ROBO2: variants seen among roughly 807,000 people sequenced by gnomAD.
ROBO2 encodes the protein roundabout homolog 2.
A neutral mutation model predicts 160.8 loss-of-function variants in ROBO2; 53 were observed. The ratio of observed to expected loss-of-function variants is 0.33; its 90% CI spans 0.26 to 0.41. ROBO2 has a LOEUF of 0.41. Among genes scored for constraint, ROBO2 ranks in the 10% least tolerant of loss-of-function variants. The pLI is 1.00. For missense variants in ROBO2, 1,577 were observed against 1,722.4 expected, an observed-to-expected ratio of 0.92 and a Z score of 1.49; for synonymous variants, 664 against 611.7, an observed-to-expected ratio of 1.09 and a Z score of -1.26.
chr3:77,156,491 T>G (rs1375496167), intron 2 of ROBO2, among the ~76,000 whole-genome samples: 3 of 152,026 alleles, frequency 2.0e-5, no homozygotes, highest in Non-Finnish European at 4.4e-5. Flanking sequence ...TTAAACCAAT[T>G]GTCATACATA....
At chr3:76,676,537 T>TTGTGTGTGTAAGTG (rs2092413005) in intron 2 of ROBO2, among the ~76,000 whole-genome samples, 1 of 151,948 alleles carries the variant, frequency 6.6e-6, no homozygotes. Context: ...TTGTGGGTAT[T>TTGTGTGTGTAAGTG]TGTGTGTGTA....
At chr3:76,103,058 C>A (rs2069767635) in intron 2 of ROBO2, among the ~76,000 whole-genome samples, 1 of 152,056 alleles carries the variant, frequency 6.6e-6, no homozygotes, top group East Asian at 1.9e-4. Flanking sequence ...CTCCTGACCT[C>A]GTGATCCGCC....
rs548914169 is a variant in ROBO2 at position 76,717,551 on chromosome 3, G to C, written c.110-380463G>C. Among the ~76,000 whole-genome samples the C allele has an allele frequency of 2.6e-5, 4 of 152,116 alleles. No individual in the cohort carries two copies. In the South Asian group the frequency reaches 6.2e-4, roughly 24 times the overall value. ...TATCAACCTAACAGAGTTGTGGAGA[G>C]TGTAAATGTGAGTATTGTGTATTTG... On this transcript the variant is annotated intron_variant, in intron 2 of 26. Coordinates refer to the ROBO2 transcript ENST00000487694.
chr3:77,180,782 CAT>C (rs1165941156), intron 2 of ROBO2, among the ~76,000 whole-genome samples: 1 of 151,840 alleles, frequency 6.6e-6, no homozygotes, highest in Admixed American at 6.6e-5. Context: ...TACATAAAAA[CAT>C]ATGTATATAT....
At chr3:76,944,336 G>C (rs777690875) in intron 2 of ROBO2, among the ~76,000 whole-genome samples, 10 of 151,928 alleles carry the variant, frequency 6.6e-5, no homozygotes, top group Admixed American at 1.3e-4. Flanking sequence ...TCAACAAGGA[G>C]AAATATTTGG....
At chr3:76,625,482 CA>C (rs1216329581) in intron 2 of ROBO2, among the ~76,000 whole-genome samples, 1 of 150,954 alleles carries the variant, frequency 6.6e-6, no homozygotes, top group Non-Finnish European at 1.5e-5. Flanking sequence ...AGCAAATAAT[CA>C]AGGAAAATAT....
At chr3:77,429,658 A>C (rs149809315) in intron 2 of ROBO2, among the ~76,000 whole-genome samples, 17 of 151,432 alleles carry the variant, frequency 1.1e-4, no homozygotes, top group African/African-American at 3.9e-4. Context: ...TGATGTTCAA[A>C]TACTGAAAAG....
chr3:77,522,288 T>C (rs1430719275), intron 5 of ROBO2, among the ~76,000 whole-genome samples: 1 of 151,224 alleles, frequency 6.6e-6, no homozygotes, highest in Non-Finnish European at 1.5e-5. Flanking sequence ...TACCCTTAAT[T>C]CTTTTAACTA....
At chr3:76,923,312 T>C (rs1182885293) in intron 2 of ROBO2, among the ~76,000 whole-genome samples, 1 of 152,238 alleles carries the variant, frequency 6.6e-6, no homozygotes, top group Non-Finnish European at 1.5e-5. Context: ...TCCCTCATAA[T>C]GTTCCGCTGT....
At chr3:76,147,036 G>T (rs140481072) in intron 2 of ROBO2, among the ~76,000 whole-genome samples, 63 of 150,768 alleles carry the variant, frequency 4.2e-4, no homozygotes, top group African/African-American at 1.5e-3. Flanking sequence ...ACACATGGGT[G>T]GTAAAATAAT....
chr3:76,206,620 C>T (rs6781548), intron 2 of ROBO2, among the ~76,000 whole-genome samples: 2 of 116,492 alleles, frequency 1.7e-5, no homozygotes, highest in South Asian at 3.0e-4. Context: ...TGAAAAGTTC[C>T]GAGAGCCCCC....
intron 2 of ROBO2, among the ~76,000 whole-genome samples, chr3:77,259,112 A>T (rs1264578125): frequency 6.6e-6 from 1 of 152,176 alleles, no homozygotes; most frequent in East Asian, 1.9e-4. Flanking sequence ...TCGTATTCAC[A>T]TCCAATTTAA....
chr3:75,950,020 A>ATGTGTG (rs61564519), intron 2 of ROBO2, among the ~76,000 whole-genome samples: 29 of 149,096 alleles, frequency 1.9e-4, no homozygotes, highest in African/African-American at 4.4e-4. Context: ...CTACATATGC[A>ATGTGTG]TGTGTGTGTG....
At chr3:76,222,186 A>T (rs1704008729) in intron 2 of ROBO2, among the ~76,000 whole-genome samples, 1 of 152,134 alleles carries the variant, frequency 6.6e-6, no homozygotes, top group Non-Finnish European at 1.5e-5. Context: ...GTGGCACCAA[A>T]ACACGTTACC....
intron 2 of ROBO2, among the ~76,000 whole-genome samples, chr3:76,385,040 C>T (rs564369962): frequency 1.1e-4 from 16 of 152,212 alleles, no homozygotes; most frequent in African/African-American, 3.9e-4. Flanking sequence ...TAGGGCCTTG[C>T]TTTTAGTGCA....
chr3:76,911,230 T>C (rs552174685), intron 2 of ROBO2, among the ~76,000 whole-genome samples: 119 of 152,336 alleles, frequency 7.8e-4, no homozygotes, highest in African/African-American at 2.7e-3. Flanking sequence ...TAAGTAGTAT[T>C]GTATTTGTTG....
chr3:76,914,469 T>A (rs74576423), intron 2 of ROBO2, among the ~76,000 whole-genome samples: 3 of 152,200 alleles, frequency 2.0e-5, no homozygotes, highest in South Asian at 2.1e-4. Flanking sequence ...TTTTTTTTTT[T>A]AATTCATGAA....
At chr3:76,492,136 C>T (rs1158225698) in intron 2 of ROBO2, among the ~76,000 whole-genome samples, 1 of 151,596 alleles carries the variant, frequency 6.6e-6, no homozygotes, top group African/African-American at 2.4e-5. Flanking sequence ...CAAAAAAAAA[C>T]ACCCCCAAAA....
intron 2 of ROBO2, among the ~76,000 whole-genome samples, chr3:76,063,741 T>C (rs1433692569): frequency 3.3e-5 from 5 of 152,302 alleles, no homozygotes; most frequent in South Asian, 2.1e-4. Context: ...AGCAGACTTA[T>C]GGCAGAGTAA....
Sources: gnomAD v4.1 joint callset for allele counts (sites outside exome capture counted in the v4.1 genomes callset) on GRCh38, gnomAD v4.1.1 for gene constraint, MANE v1.5 for transcripts, NCBI Gene and HGNC (gene_info 2026-07-23, HGNC 2026-07-21) for gene names.